Variants in COG5 observed in about 807,000 individuals in gnomAD.
COG5 encodes component of oligomeric golgi complex 5.
In COG5, 86 loss-of-function variants were observed where a neutral mutation model predicts 110.4. The observed-to-expected ratio is 0.78, with a 90% confidence interval of 0.65 to 0.93. The LOEUF (loss-of-function observed/expected upper bound fraction) is 0.93. Among genes scored for constraint, COG5 ranks in the 40% least tolerant of loss-of-function variants. The probability of loss-of-function intolerance (pLI) is 0.00; values close to 1 mark genes in which losing one functional copy is unlikely to be tolerated. For synonymous variants in COG5, 360 were observed against 334.6 expected (o/e 1.08, Z -0.83); for missense variants, 1,077 against 987.0 (o/e 1.09, Z -1.22).
At position 107,201,934 on chromosome 7, in the gene COG5, C is replaced by T. The variant is rs1798349637; in HGVS notation, c.*1582G>A. 1 of 152,790 alleles carries T rather than the reference C, an allele frequency of 6.5e-6. No individual in the cohort carries two copies. The allele number at this position is 152,790 out of a possible 1,614,324, so 9.5% of individuals were successfully genotyped here. A position where few individuals can be genotyped will look rare whatever the true frequency, so the allele number is the denominator to read the frequency against. ...TCAGCATCTGTGCCAAACATAGGCGCTCCTAGTCTGGTCAGTGCCAAGAGG... is the reference window on the plus strand; with the variant it reads ...TCAGCATCTGTGCCAAACATAGGCGTTCCTAGTCTGGTCAGTGCCAAGAGG... On this transcript the variant is annotated 3_prime_UTR_variant, in exon 22 of 22. Coordinates refer to ENST00000297135, the MANE Select transcript of COG5 (RefSeq NM_006348.5).
At chr7:107,356,291 A>G (rs551773555) in intron 10 of COG5, among the ~76,000 whole-genome samples, 26 of 152,358 alleles carry the variant, frequency 1.7e-4, no homozygotes, top group Non-Finnish European at 3.2e-4. Flanking sequence ...TATATTCTTA[A>G]TTTTCCTACT....
chr7:107,236,811 A>G (rs1365157067), intron 17 of COG5, 124 bp from the exon 18 acceptor site: 3 of 732,382 alleles, frequency 4.1e-6, no homozygotes, highest in East Asian at 2.6e-5. Flanking sequence ...TAATGGTATA[A>G]AAGACATTAA....
At chr7:107,539,047 G>A in intron 5 of COG5, among the ~76,000 whole-genome samples, 1 of 152,142 alleles carries the variant, frequency 6.6e-6, no homozygotes, top group Non-Finnish European at 1.5e-5. Context: ...GGAGGCTGAG[G>A]AAGATGGATC....
At chr7:107,550,891 G>GT (rs75923322) in intron 3 of COG5, among the ~76,000 whole-genome samples, 18,547 of 141,630 alleles carry the variant, frequency 0.13, 2,851 homozygotes, top group African/African-American at 0.37. Context: ...CTTGTACTTT[G>GT]TTTTTTTTTT....
At chr7:107,449,731 G>A (rs1795221842) in intron 6 of COG5, among the ~76,000 whole-genome samples, 1 of 152,174 alleles carries the variant, frequency 6.6e-6, no homozygotes, top group Admixed American at 6.5e-5. Flanking sequence ...TGCAGCTATG[G>A]TTGCCCACCA....
intron 11 of COG5, among the ~76,000 whole-genome samples, chr7:107,317,845 G>C (rs1257650329): frequency 6.6e-6 from 1 of 152,006 alleles, no homozygotes. Flanking sequence ...AGCGGACAAG[G>C]GCATTTCCAT....
At chr7:107,267,037 T>C (rs1803858573) in intron 14 of COG5, among the ~76,000 whole-genome samples, 1 of 152,200 alleles carries the variant, frequency 6.6e-6, no homozygotes, top group Admixed American at 6.5e-5. Flanking sequence ...CAGCTTGAGA[T>C]GGGATCCAGT....
chr7:107,318,719 G>A (rs1808983017), intron 11 of COG5, among the ~76,000 whole-genome samples: 1 of 152,032 alleles, frequency 6.6e-6, no homozygotes, highest in Admixed American at 6.6e-5. Context: ...GCTCTCTCGC[G>A]TCACTTCTTA....
chr7:107,563,470 T>C lies in COG5; in HGVS notation c.94+333A>G, dbSNP rs577287606. ...AACGCTACACCCCTTCGTCAAGAACTGCGGCAGCAGCCGGTGGCTGCCAAC... is the reference window on the plus strand; with the variant it reads ...AACGCTACACCCCTTCGTCAAGAACCGCGGCAGCAGCCGGTGGCTGCCAAC... On this transcript the variant is annotated intron_variant, in intron 1 of 21. Transcript: ENST00000297135. The C allele has an allele frequency of 9.7e-6, 4 of 411,288 alleles. No homozygotes were observed. In the East Asian group the frequency reaches 2.2e-4, roughly 22 times the overall value. 25.5% of individuals were successfully genotyped at this position (411,288 alleles called of 1,614,324 possible).
chr7:107,281,314 T>G lies in COG5; in HGVS notation c.1561A>C (p.Lys521Gln). 6.2e-7 allele frequency: 1 copy of G among 1,611,944 alleles called. No individual in the cohort carries two copies. The highest frequency in any genetic ancestry group is 8.5e-7 in the Non-Finnish European group (1 of 1,178,168). Residue 521 changes from lysine to glutamine, a missense_variant, in exon 14 of 22, where the codon AAA becomes CAA. Transcript: ENST00000297135. ...VAKTIQLYSV[K>Q]SEQLLSTQGD... is the part of the protein sequence containing the mutation. Reference sequence around the variant, plus strand: ...AAACCACTTACAAGCTGCTCTGATTTTACACTGTATAACTGGATGGTCTTT... The same window carrying G: ...AAACCACTTACAAGCTGCTCTGATTGTACACTGTATAACTGGATGGTCTTT...
rs1456022398 is a variant in COG5, at chr7:107,210,320, G to C, written c.2375+206C>G. On this transcript the variant is annotated intron_variant, in intron 21 of 21. Coordinates refer to ENST00000297135, the MANE Select transcript of COG5 (RefSeq NM_006348.5). ...TGCACATCAGGGATATGAAGGTTTG[G>C]AATGAAAGAAAGCAAAAGATGTTGT... 5 of 1,428,622 alleles carry C rather than the reference G, an allele frequency of 3.5e-6. No individual in the cohort carries two copies. In the East Asian group the frequency reaches 1.0e-4, roughly 29 times the overall value. The allele number at this position is 1,428,622 out of a possible 1,614,324, so 88.5% of individuals were successfully genotyped here.
At chr7:107,477,840 A>C (rs1027757289) in intron 6 of COG5, among the ~76,000 whole-genome samples, 2 of 151,940 alleles carry the variant, frequency 1.3e-5, no homozygotes, top group Non-Finnish European at 2.9e-5. Flanking sequence ...CTATGAAAAG[A>C]CGAAATATTT....
intron 6 of COG5, among the ~76,000 whole-genome samples, chr7:107,500,077 A>G (rs990122648): frequency 6.6e-6 from 1 of 152,186 alleles, no homozygotes; most frequent in African/African-American, 2.4e-5. Flanking sequence ...GAGACCCTGT[A>G]AAAAAGAAAG....
At chr7:107,426,121 T>C (rs1793627542) in intron 6 of COG5, among the ~76,000 whole-genome samples, 1 of 152,208 alleles carries the variant, frequency 6.6e-6, no homozygotes, top group African/African-American at 2.4e-5. Flanking sequence ...TTTGGACTTC[T>C]AGCCTCCAGA....
chr7:107,463,993 C>T (rs972928889), intron 6 of COG5, among the ~76,000 whole-genome samples: 2 of 152,110 alleles, frequency 1.3e-5, no homozygotes, highest in Non-Finnish European at 2.9e-5. Context: ...AATTGAGCAT[C>T]TCTATTCAAC....
chr7:107,348,816 G>C (rs1375260552), intron 10 of COG5, among the ~76,000 whole-genome samples: 1 of 151,788 alleles, frequency 6.6e-6, no homozygotes, highest in Non-Finnish European at 1.5e-5. Context: ...TAGGAATAAA[G>C]ACATTTTCCT....
At chr7:107,476,184 T>TAAAAAAAAAAAAAAAA (rs34741713) in intron 6 of COG5, among the ~76,000 whole-genome samples, 28 of 43,964 alleles carry the variant, frequency 6.4e-4, no homozygotes, top group Non-Finnish European at 9.4e-4. Flanking sequence ...GCAATGATTT[T>TAAAAAAAAAAAAAAAA]AAAAAAAAAA....
chr7:107,509,259 T>C (rs191999327), intron 6 of COG5, among the ~76,000 whole-genome samples: 7 of 152,206 alleles, frequency 4.6e-5, no homozygotes, highest in Admixed American at 4.6e-4. Context: ...TGCAGAAGCC[T>C]CGGGAGCTGA....
chr7:107,504,835 G>C (rs560406195), intron 6 of COG5, among the ~76,000 whole-genome samples: 136 of 152,196 alleles, frequency 8.9e-4, no homozygotes, highest in Non-Finnish European at 1.4e-3. Context: ...CTGTGGCATT[G>C]GTTGTAATGT....
Sources: gnomAD v4.1 joint callset for allele counts (sites outside exome capture counted in the v4.1 genomes callset) on GRCh38, gnomAD v4.1.1 for gene constraint, MANE v1.5 for transcripts, NCBI Gene and HGNC (gene_info 2026-07-23, HGNC 2026-07-21) for gene names.